The following ZNF578 variants were observed in gnomAD, a reference collection of about 807,000 sequenced individuals.
ZNF578 encodes Putative chemokine-related protein B42.
A neutral mutation model predicts 8.3 loss-of-function variants in ZNF578; 8 were observed. The ratio of observed to expected loss-of-function variants is 0.96; its 90% CI spans 0.56 to 1.74. The LOEUF (loss-of-function observed/expected upper bound fraction) is 1.74. Among genes scored for constraint, ZNF578 ranks in the 40% most tolerant of loss-of-function variants. The pLI, the probability that ZNF578 is intolerant of heterozygous loss-of-function variation, is 0.00. For missense variants in ZNF578, 726 were observed against 707.5 expected, an observed-to-expected ratio of 1.03 and a Z score of -0.30; for synonymous variants, 206 against 232.2, an observed-to-expected ratio of 0.89 and a Z score of 1.03.
chr19:52,506,302 T>A (rs910833397), intron 5 of ZNF578, among the ~76,000 whole-genome samples: 2 of 152,048 alleles, frequency 1.3e-5, no homozygotes, highest in Non-Finnish European at 2.9e-5. Flanking sequence ...TGGTTTTTTC[T>A]CTTTACTATT....
intron 2 of ZNF578, among the ~76,000 whole-genome samples, chr19:52,482,810 G>C (rs1430803946): frequency 6.6e-6 from 1 of 151,630 alleles, no homozygotes; most frequent in East Asian, 1.9e-4. Context: ...GGTGGTACAT[G>C]CCTCTAATTT....
chr19:52,471,342 T>G (rs1568457166), intron 2 of ZNF578, among the ~76,000 whole-genome samples: 1 of 152,214 alleles, frequency 6.6e-6, no homozygotes, highest in Non-Finnish European at 1.5e-5. Flanking sequence ...GCAGAGAGCC[T>G]ATTGTGGAAC....
Position 52,512,414 on chromosome 19 carries a change from AAG to A in ZNF578, c.*266_*267del, listed in dbSNP as rs879247667. On this transcript the variant is annotated 3_prime_UTR_variant, in exon 6 of 6. Coordinates refer to ENST00000421239, the MANE Select transcript of ZNF578 (RefSeq NM_001099694.2). ...GCAAATCATTGGAGAATCCATAATG[AAG>A]AGAGATCTTCCGAGTGTAATAAATG... 5 of 1,454,400 alleles carry A rather than the reference AAG, an allele frequency of 3.4e-6. No individual in the cohort carries two copies. Among genetic ancestry groups the A allele is most frequent in the African/African-American group, 2.8e-5 (2 of 71,452 alleles). The allele number at this position is 1,454,400 out of a possible 1,614,324, so 90.1% of individuals were successfully genotyped here. A position where few individuals can be genotyped will look rare whatever the true frequency, so the allele number is the denominator to read the frequency against.
In ZNF578 at chr19:52,459,770, T is replaced by TATATATATA. The variant is rs1491453615; in HGVS notation, c.-122+2812_-122+2813insATATATATA. Among the ~76,000 whole-genome samples the TATATATATA allele has an allele frequency of 1.2e-3, 9 of 7,298 alleles. 1 individual carries two copies. Among genetic ancestry groups the TATATATATA allele is most frequent in the East Asian group, 3.7e-3 (1 of 272 alleles). 4.8% of individuals were successfully genotyped at this position (7,298 alleles called of 152,430 possible). On this transcript the variant is annotated intron_variant, in intron 2 of 5. Coordinates refer to ENST00000421239, the MANE Select transcript of ZNF578 (RefSeq NM_001099694.2). The stretch of plus-strand genomic sequence containing the variant: ...GTGTGTGTATATATATATATATATA[T>TATATATATA]TTTTTTTTTTTTTTTTTTTTTTTGA...
At chr19:52,501,952 C>G (rs970475401) in intron 4 of ZNF578, 44 bp downstream of exon 4, 14 of 1,602,230 alleles carry the variant, frequency 8.7e-6, no homozygotes, top group Non-Finnish European at 1.2e-5. Flanking sequence ...TCTTTCCTTT[C>G]TGAAGTGTAG....
chr19:52,498,876 G>T (rs1442887751), intron 3 of ZNF578, among the ~76,000 whole-genome samples: 1 of 152,008 alleles, frequency 6.6e-6, no homozygotes, highest in Non-Finnish European at 1.5e-5. Context: ...TAGAGATGGG[G>T]TTTACTATGT....
At chr19:52,486,883 G>C (rs772548489) in intron 2 of ZNF578, among the ~76,000 whole-genome samples, 8 of 152,062 alleles carry the variant, frequency 5.3e-5, no homozygotes, top group Middle Eastern at 3.4e-3. Context: ...AGGTGGAAGA[G>C]AAGGAATAGA....
At position 52,501,947 on chromosome 19, in the gene ZNF578, C is replaced by A. The variant is rs768590150; in HGVS notation, c.63+39C>A. ...CCTCTGTGGATTAATCTGTCTCTTT[C>A]CTTTCTGAAGTGTAGTAGTATTATA... On this transcript the variant is annotated intron_variant, in intron 4 of 5. Coordinates refer to ENST00000421239, the MANE Select transcript of ZNF578 (RefSeq NM_001099694.2). 4.4e-6 allele frequency: 7 copies of A among 1,604,448 alleles called. No individual in the cohort carries two copies. The South Asian group carries it at 6.7e-5, about 15-fold the overall frequency.
chr19:52,504,879 GT>G, intron 5 of ZNF578, 98 bp downstream of exon 5: 1 of 1,534,216 alleles, frequency 6.5e-7, no homozygotes, highest in South Asian at 1.2e-5. Context: ...CCCATACGTG[GT>G]TTTTTTGTTT....
At chr19:52,484,865 T>G (rs1199032636) in intron 2 of ZNF578, among the ~76,000 whole-genome samples, 3 of 151,060 alleles carry the variant, frequency 2.0e-5, no homozygotes, top group Non-Finnish European at 4.4e-5. Flanking sequence ...GACTCTCTTT[T>G]TGGACTCAGC....
At chr19:52,466,219 T>C (rs1296242167) in intron 2 of ZNF578, among the ~76,000 whole-genome samples, 1 of 152,248 alleles carries the variant, frequency 6.6e-6, no homozygotes. Flanking sequence ...GCATAAACTT[T>C]ACTACTGATT....
At chr19:52,489,627 A>G (rs1158343681) in intron 2 of ZNF578, among the ~76,000 whole-genome samples, 1 of 151,518 alleles carries the variant, frequency 6.6e-6, no homozygotes, top group Non-Finnish European at 1.5e-5. Context: ...AAATAAAAGC[A>G]CTGCTCCTAT....
intron 2 of ZNF578, among the ~76,000 whole-genome samples, chr19:52,481,915 T>C (rs1037395681): frequency 2.0e-5 from 3 of 152,046 alleles, no homozygotes; most frequent in Non-Finnish European, 4.4e-5. Context: ...ATTCTTTTTG[T>C]AGAAATGGGG....
At chr19:52,483,266 T>C (rs1054394379) in intron 2 of ZNF578, among the ~76,000 whole-genome samples, 35 of 151,360 alleles carry the variant, frequency 2.3e-4, no homozygotes, top group Non-Finnish European at 2.2e-4. Flanking sequence ...AACTACAAAA[T>C]TAGCTGGGTG....
intron 2 of ZNF578, among the ~76,000 whole-genome samples, chr19:52,470,437 G>A (rs908969177): frequency 5.9e-5 from 9 of 152,216 alleles, no homozygotes; most frequent in Non-Finnish European, 1.2e-4. Flanking sequence ...GTGCCAAGTT[G>A]ATGAGGGGTA....
intron 2 of ZNF578, among the ~76,000 whole-genome samples, chr19:52,467,101 C>T (rs904161903): frequency 6.6e-6 from 1 of 151,670 alleles, no homozygotes; most frequent in Non-Finnish European, 1.5e-5. Context: ...ACCTCTGCCT[C>T]CTGGGTTCAA....
chr19:52,454,670 C>T (rs1350309906), intron 1 of ZNF578: 1 of 152,160 alleles, frequency 6.6e-6, no homozygotes, highest in East Asian at 1.9e-4. Flanking sequence ...ATTTGGGAAC[C>T]GTGGTGTTTA....
At chr19:52,473,672 C>A (rs114200539) in intron 2 of ZNF578, 5,533 of 210,698 alleles carry the variant, frequency 0.026, 334 homozygotes, top group African/African-American at 0.12. Context: ...AGTATGAATT[C>A]TCTGATGAAT....
At position 52,511,413 on chromosome 19, in the gene ZNF578, G is replaced by A. The variant is rs766554633; in HGVS notation, c.1032G>A (p.Lys344=). ...HRCHTGEKPY[K]CNECGKSFSY... is the part of the protein sequence containing the mutation. Reference sequence around the variant, plus strand: ...GTCACACTGGTGAGAAACCTTACAAGTGTAATGAATGTGGAAAGTCCTTCA... The same window carrying A: ...GTCACACTGGTGAGAAACCTTACAAATGTAATGAATGTGGAAAGTCCTTCA... Residue 344 remains lysine (K), a synonymous_variant, in exon 6 of 6, where the codon AAG becomes AAA. Transcript: ENST00000421239. 3.1e-6 allele frequency: 5 copies of A among 1,614,040 alleles called. No homozygotes were observed. The African/African-American group carries it at 6.7e-5, about 22-fold the overall frequency.
Sources: gnomAD v4.1 joint callset for allele counts (sites outside exome capture counted in the v4.1 genomes callset) on GRCh38, gnomAD v4.1.1 for gene constraint, MANE v1.5 for transcripts, NCBI Gene and HGNC (gene_info 2026-07-23, HGNC 2026-07-21) for gene names.